Variants in SNTG1 observed in about 807,000 individuals in gnomAD.
SNTG1 encodes the protein syntrophin gamma 1, also known as gamma-1-syntrophin.
Under a neutral mutation model 74.7 loss-of-function variants are expected in SNTG1, and 39 were observed. The observed-to-expected ratio is 0.52, with a 90% CI of 0.40 to 0.68. SNTG1 has a LOEUF of 0.68. Among genes scored for constraint, SNTG1 ranks in the 30% least tolerant of loss-of-function variants. The pLI is 0.00. For synonymous variants in SNTG1, 254 were observed against 217.1 expected (o/e 1.17, Z -1.49); for missense variants, 685 against 609.5 (o/e 1.12, Z -1.30).
At chr8:49,949,824 T>A (rs563466480) in intron 1 of SNTG1, among the ~76,000 whole-genome samples, 3 of 152,356 alleles carry the variant, frequency 2.0e-5, no homozygotes, top group South Asian at 4.1e-4. Context: ...TTGAAATTCT[T>A]AAGTATATTT....
chr8:50,336,066 T>A (rs955096335), intron 2 of SNTG1, among the ~76,000 whole-genome samples: 4 of 152,128 alleles, frequency 2.6e-5, no homozygotes, highest in African/African-American at 9.7e-5. Flanking sequence ...AAGGGTGAGA[T>A]GAATTAAGTA....
At chr8:50,788,951 A>G (rs2131861549) in intron 18 of SNTG1, among the ~76,000 whole-genome samples, 1 of 152,148 alleles carries the variant, frequency 6.6e-6, no homozygotes, top group Non-Finnish European at 1.5e-5. Context: ...TTGTCCTCAG[A>G]TTTGATATCT....
intron 4 of SNTG1, among the ~76,000 whole-genome samples, chr8:50,427,791 T>C (rs914653919): frequency 7.2e-5 from 11 of 152,252 alleles, no homozygotes; most frequent in Non-Finnish European, 1.3e-4. Context: ...TTGTTCTTTC[T>C]ATATTATGCC....
chr8:49,970,899 T>C (rs896965776), intron 1 of SNTG1, among the ~76,000 whole-genome samples: 3 of 152,020 alleles, frequency 2.0e-5, no homozygotes, highest in Non-Finnish European at 4.4e-5. Context: ...CCCAGCTGGG[T>C]TCAGATGAAA....
At chr8:50,108,397 A>G (rs1259471526) in intron 1 of SNTG1, among the ~76,000 whole-genome samples, 2 of 152,170 alleles carry the variant, frequency 1.3e-5, no homozygotes, top group Non-Finnish European at 2.9e-5. Flanking sequence ...AGAATAATTT[A>G]TATTTGCCAT....
At chr8:50,760,996 A>G (rs1048433238) in intron 18 of SNTG1, among the ~76,000 whole-genome samples, 7 of 152,140 alleles carry the variant, frequency 4.6e-5, no homozygotes, top group African/African-American at 1.7e-4. Flanking sequence ...CAATAGAAAA[A>G]GAGGGAATCC....
At chr8:50,087,871 G>A (rs1002904047) in intron 1 of SNTG1, among the ~76,000 whole-genome samples, 16 of 149,740 alleles carry the variant, frequency 1.1e-4, no homozygotes, top group African/African-American at 2.7e-4. Flanking sequence ...ATGCTGGTGC[G>A]CTGCACCCAC....
rs560032947 is a variant in SNTG1, at chr8:50,504,921, A to G, written c.466+2041A>G. On this transcript the variant is annotated intron_variant, in intron 9 of 18. Transcript: ENST00000642720. ...GAGTAGCCTTAAGTCTATGTACATTATTGCGTAACATATCACCAGAAACTT... is the reference window on the plus strand; with the variant it reads ...GAGTAGCCTTAAGTCTATGTACATTGTTGCGTAACATATCACCAGAAACTT... 3.3e-5 allele frequency among the ~76,000 whole-genome samples: 5 copies of G among 152,302 alleles called. No homozygotes were observed. In the South Asian group the frequency reaches 6.2e-4, roughly 19 times the overall value.
At chr8:50,499,044 G>A (rs556326293) in intron 8 of SNTG1, among the ~76,000 whole-genome samples, 2 of 151,718 alleles carry the variant, frequency 1.3e-5, no homozygotes, top group East Asian at 1.9e-4. Flanking sequence ...AAAATCAAAC[G>A]ATGTTGGTTT....
chr8:50,160,222 T>C (rs1230868963), intron 1 of SNTG1, among the ~76,000 whole-genome samples: 1 of 152,204 alleles, frequency 6.6e-6, no homozygotes, highest in Non-Finnish European at 1.5e-5. Flanking sequence ...AATACTCACC[T>C]GGAGCCTTAT....
At chr8:50,230,369 A>G (rs1460926683) in intron 2 of SNTG1, among the ~76,000 whole-genome samples, 1 of 151,278 alleles carries the variant, frequency 6.6e-6, no homozygotes, top group Admixed American at 6.6e-5. Context: ...GAAAGAAGGG[A>G]CGTCACTACA....
At chr8:50,783,788 G>A (rs539276519) in intron 18 of SNTG1, among the ~76,000 whole-genome samples, 22 of 152,292 alleles carry the variant, frequency 1.4e-4, no homozygotes, top group Admixed American at 4.6e-4. Context: ...GGTCTTCTGC[G>A]TCGCTCACGC....
chr8:50,164,368 A>C (rs2082538539), intron 1 of SNTG1: 1 of 152,242 alleles, frequency 6.6e-6, no homozygotes, highest in East Asian at 1.9e-4. Context: ...AGAACTGGCA[A>C]TTCTCCATTG....
intron 13 of SNTG1, among the ~76,000 whole-genome samples, chr8:50,651,789 ATTTT>A (rs1380951461): frequency 1.4e-5 from 2 of 139,852 alleles, no homozygotes; most frequent in Non-Finnish European, 1.5e-5. Context: ...TAAATTATTT[ATTTT>A]TTTGAGACAG....
chr8:50,454,371 C>T (rs183278264), intron 8 of SNTG1, among the ~76,000 whole-genome samples: 1 of 152,050 alleles, frequency 6.6e-6, no homozygotes, highest in Admixed American at 6.5e-5. Flanking sequence ...GTGGCATGCA[C>T]CTGTAACCCC....
At chr8:50,178,068 A>G (rs931951151) in intron 2 of SNTG1, among the ~76,000 whole-genome samples, 2 of 152,198 alleles carry the variant, frequency 1.3e-5, no homozygotes, top group African/African-American at 4.8e-5. Context: ...TCCTAAAAAT[A>G]TGGCATTCTG....
intron 8 of SNTG1, among the ~76,000 whole-genome samples, chr8:50,456,604 T>C (rs1365310561): frequency 6.6e-6 from 1 of 152,120 alleles, no homozygotes; most frequent in Admixed American, 6.5e-5. Context: ...TTAATTCTGT[T>C]CATGAGAGTG....
chr8:50,781,490 G>C (rs531824826), intron 18 of SNTG1, among the ~76,000 whole-genome samples: 14 of 151,886 alleles, frequency 9.2e-5, no homozygotes, highest in South Asian at 8.4e-4. Flanking sequence ...ATCTTTGTTG[G>C]TTTAAAGTCT....
intron 1 of SNTG1, among the ~76,000 whole-genome samples, chr8:49,926,680 G>A (rs1585527723): frequency 6.6e-6 from 1 of 152,066 alleles, no homozygotes; most frequent in African/African-American, 2.4e-5. Flanking sequence ...CCTTTGGTAT[G>A]GCAATGACTT....
Sources: allele counts gnomAD v4.1 joint callset (sites outside exome capture counted in the v4.1 genomes callset), GRCh38; gene constraint gnomAD v4.1.1; transcripts MANE v1.5; gene names NCBI Gene and HGNC (gene_info 2026-07-23, HGNC 2026-07-21).